The following CNTNAP5 variants were observed in gnomAD, a reference collection of about 807,000 sequenced individuals.
CNTNAP5 encodes contactin-associated protein-like 5.
CNTNAP5 carries 72 observed loss-of-function variants against 150.2 expected under a neutral mutation model. That is an observed-to-expected ratio of 0.48 (90% CI 0.40 to 0.58). The LOEUF (loss-of-function observed/expected upper bound fraction) is 0.58, where lower values mean the gene tolerates loss of function less well. CNTNAP5 is among the 20% of genes least tolerant of loss of function. CNTNAP5 has a pLI of 0.00. For missense variants in CNTNAP5, 1,636 were observed against 1,626.2 expected, an observed-to-expected ratio of 1.01 and a Z score of -0.10; for synonymous variants, 672 against 619.8, an observed-to-expected ratio of 1.08 and a Z score of -1.25.
intron 3 of CNTNAP5, among the ~76,000 whole-genome samples, chr2:124,306,403 T>C (rs1173384228): frequency 6.6e-6 from 1 of 152,062 alleles, no homozygotes; most frequent in Non-Finnish European, 1.5e-5. Flanking sequence ...GAAAGCAGTC[T>C]TTCCCCCCCA....
chr2:124,416,931 GATTTCTTTTTTT>G (rs1173443333), intron 3 of CNTNAP5, among the ~76,000 whole-genome samples: 1 of 144,280 alleles, frequency 6.9e-6, no homozygotes, highest in Non-Finnish European at 1.5e-5. Flanking sequence ...GTTTAAGAGG[GATTTCTTTTTTT>G]TTTTTTTTTT....
chr2:124,710,195 T>C (rs1227949599), intron 13 of CNTNAP5, among the ~76,000 whole-genome samples: 2 of 152,128 alleles, frequency 1.3e-5, no homozygotes, highest in African/African-American at 4.8e-5. Flanking sequence ...GGACCCAGTG[T>C]TGCCAAGACT....
intron 10 of CNTNAP5, among the ~76,000 whole-genome samples, chr2:124,532,657 T>C (rs1343593598): frequency 1.3e-5 from 2 of 152,150 alleles, no homozygotes; most frequent in Non-Finnish European, 2.9e-5. Context: ...GCAGCAGCTT[T>C]CAGAAGCAGC....
chr2:124,821,562 T>C (rs936030217), intron 19 of CNTNAP5, among the ~76,000 whole-genome samples: 2 of 152,212 alleles, frequency 1.3e-5, no homozygotes, highest in African/African-American at 4.8e-5. Flanking sequence ...TTAAGGTCCA[T>C]CTCCAGAGTA....
rs1383493070 is a variant in CNTNAP5, at chr2:124,538,383, C to T, written c.1649+10927C>T. ...ATCCCAGCTGATGGGGAGGCTGAGGCATGAGAATCGTTTGAACCCAGGATG... is the reference window on the plus strand; with the variant it reads ...ATCCCAGCTGATGGGGAGGCTGAGGTATGAGAATCGTTTGAACCCAGGATG... On this transcript the variant is annotated intron_variant, in intron 10 of 23. Coordinates refer to ENST00000682447, the MANE Select transcript of CNTNAP5 (RefSeq NM_001367498.1). Among the ~76,000 whole-genome samples, 4 of 152,026 alleles carry T rather than the reference C, an allele frequency of 2.6e-5. No individual in the cohort carries two copies. In the East Asian group the frequency reaches 5.8e-4, roughly 22 times the overall value.
At chr2:124,133,854 T>C (rs890396406) in intron 1 of CNTNAP5, among the ~76,000 whole-genome samples, 14 of 152,144 alleles carry the variant, frequency 9.2e-5, no homozygotes, top group Non-Finnish European at 1.5e-5. Flanking sequence ...AAAAACCCCA[T>C]AGTGTATATT....
intron 22 of CNTNAP5, 75 bp from the exon 23 acceptor site, chr2:124,911,392 A>G: frequency 9.5e-7 from 1 of 1,052,892 alleles, no homozygotes; most frequent in Non-Finnish European, 1.4e-6. Context: ...GTGTCATTCC[A>G]GGTGGGCCAC....
At position 124,422,503 on chromosome 2, in the gene CNTNAP5, G is replaced by GT. The variant is rs969567939; in HGVS notation, c.529+4914dup. Reference sequence around the variant, plus strand: ...TGATTACATGTCATCAGTTAACTGCGTGATTGTCTAACATCTGCTTCCCCT... The same window carrying GT: ...TGATTACATGTCATCAGTTAACTGCGTTGATTGTCTAACATCTGCTTCCCCT... On this transcript the variant is annotated intron_variant, in intron 4 of 23. Transcript: ENST00000682447. Among the ~76,000 whole-genome samples, 8 of 152,264 alleles carry GT rather than the reference G, an allele frequency of 5.3e-5. No homozygotes were observed. In the South Asian group the frequency reaches 1.2e-3, roughly 24 times the overall value.
intron 13 of CNTNAP5, among the ~76,000 whole-genome samples, chr2:124,658,811 T>C (rs1053991152): frequency 1.2e-4 from 19 of 152,346 alleles, no homozygotes; most frequent in African/African-American, 4.3e-4. Flanking sequence ...AACGAAATTA[T>C]ACCAACTACA....
chr2:124,837,053 T>C (rs558161772), intron 19 of CNTNAP5, among the ~76,000 whole-genome samples: 1 of 152,046 alleles, frequency 6.6e-6, no homozygotes, highest in African/African-American at 2.4e-5. Flanking sequence ...CGTGAACTAT[T>C]CACAGGCCTG....
chr2:124,084,566 C>A lies in CNTNAP5; in HGVS notation c.82+58834C>A, dbSNP rs187306162. Among the ~76,000 whole-genome samples the A allele has an allele frequency of 4.3e-4, 65 of 151,760 alleles. 1 individual carries two copies. The highest frequency in any genetic ancestry group is 3.3e-3 in the Admixed American group (50 of 15,236). The stretch of plus-strand genomic sequence containing the variant: ...TTACAAGCCTGAGCCACCGTGCCTG[C>A]CCTGTAGATTCTTGACTTATTGCAT... On this transcript the variant is annotated intron_variant, in intron 1 of 23. Coordinates refer to ENST00000682447, the MANE Select transcript of CNTNAP5 (RefSeq NM_001367498.1).
At chr2:124,709,701 A>G (rs2105101945) in intron 13 of CNTNAP5, among the ~76,000 whole-genome samples, 1 of 152,302 alleles carries the variant, frequency 6.6e-6, no homozygotes, top group South Asian at 2.1e-4. Flanking sequence ...ACGTGGTCCT[A>G]ATCAATAGTA....
At chr2:124,280,897 T>C (rs1687996041) in intron 3 of CNTNAP5, among the ~76,000 whole-genome samples, 1 of 152,216 alleles carries the variant, frequency 6.6e-6, no homozygotes, top group Non-Finnish European at 1.5e-5. Flanking sequence ...TTGCTTTAAC[T>C]ACTTTGGTTT....
At chr2:124,639,441 G>C (rs959205098) in intron 12 of CNTNAP5, among the ~76,000 whole-genome samples, 1 of 152,128 alleles carries the variant, frequency 6.6e-6, no homozygotes, top group Non-Finnish European at 1.5e-5. Flanking sequence ...AGAGTAAGTA[G>C]ATGCTCTCAC....
chr2:124,339,151 A>G (rs1176318048), intron 3 of CNTNAP5, among the ~76,000 whole-genome samples: 1 of 152,152 alleles, frequency 6.6e-6, no homozygotes, highest in Non-Finnish European at 1.5e-5. Flanking sequence ...ACATAAAGAA[A>G]GTTCTTGGAC....
intron 3 of CNTNAP5, among the ~76,000 whole-genome samples, chr2:124,414,676 C>A (rs545578594): frequency 6.6e-6 from 1 of 151,850 alleles, no homozygotes; most frequent in Admixed American, 6.6e-5. Context: ...CTGGAGCATG[C>A]GATCAAATTT....
intron 13 of CNTNAP5, among the ~76,000 whole-genome samples, chr2:124,705,281 A>T (rs1266693113): frequency 6.6e-6 from 1 of 152,146 alleles, no homozygotes; most frequent in Non-Finnish European, 1.5e-5. Context: ...TAATCCCAGC[A>T]CTTTGGGAGG....
At chr2:124,625,884 T>C (rs1215434384) in intron 12 of CNTNAP5, among the ~76,000 whole-genome samples, 1 of 152,224 alleles carries the variant, frequency 6.6e-6, no homozygotes, top group African/African-American at 2.4e-5. Context: ...ATTTTATTTA[T>C]TCGTACAACT....
At chr2:124,222,342 C>G (rs544630450) in intron 2 of CNTNAP5, among the ~76,000 whole-genome samples, 1 of 151,972 alleles carries the variant, frequency 6.6e-6, no homozygotes, top group East Asian at 1.9e-4. Context: ...GTAAGAGCAC[C>G]TCCTTAACTA....
Sources: gnomAD v4.1 joint callset for allele counts (sites outside exome capture counted in the v4.1 genomes callset) on GRCh38, gnomAD v4.1.1 for gene constraint, MANE v1.5 for transcripts, NCBI Gene and HGNC (gene_info 2026-07-23, HGNC 2026-07-21) for gene names.